CADM1: variants seen among roughly 807,000 people sequenced by gnomAD.
CADM1 encodes the protein TSLC-1.
In CADM1, 15 loss-of-function variants were observed where a neutral mutation model predicts 53.1. That is an observed-to-expected ratio of 0.28 (90% CI 0.19 to 0.44). The LOEUF (loss-of-function observed/expected upper bound fraction) is 0.44. Ranked by LOEUF, CADM1 falls within the 20% of genes least tolerant of loss-of-function variation. CADM1 has a pLI of 1.00. For missense variants in CADM1, 434 were observed against 611.3 expected, an observed-to-expected ratio of 0.71 and a Z score of 3.06; for synonymous variants, 281 against 243.0, an observed-to-expected ratio of 1.16 and a Z score of -1.45.
intron 1 of CADM1, among the ~76,000 whole-genome samples, chr11:115,270,989 AC>A (rs1943281419): frequency 6.6e-6 from 1 of 152,224 alleles, no homozygotes; most frequent in South Asian, 2.1e-4. Flanking sequence ...GTGTTTGTGT[AC>A]AGTGTCAAAG....
intron 1 of CADM1, among the ~76,000 whole-genome samples, chr11:115,494,873 G>T (rs1020702807): frequency 9.2e-5 from 14 of 152,050 alleles, no homozygotes; most frequent in African/African-American, 3.4e-4. Flanking sequence ...AAAGCACTGG[G>T]TTTTACTATC....
intron 1 of CADM1, among the ~76,000 whole-genome samples, chr11:115,257,809 A>T (rs1942841470): frequency 6.6e-6 from 1 of 152,206 alleles, no homozygotes; most frequent in African/African-American, 2.4e-5. Flanking sequence ...TTTTGCATAC[A>T]TCTGCATTCT....
At chr11:115,413,880 T>C (rs1947524102) in intron 1 of CADM1, among the ~76,000 whole-genome samples, 1 of 152,094 alleles carries the variant, frequency 6.6e-6, no homozygotes, top group Non-Finnish European at 1.5e-5. Context: ...CCTGGCTTCA[T>C]GATCCACCCG....
chr11:115,276,209 A>C (rs759296286), intron 1 of CADM1, among the ~76,000 whole-genome samples: 1 of 152,232 alleles, frequency 6.6e-6, no homozygotes, highest in Non-Finnish European at 1.5e-5. Context: ...TTAAATGACT[A>C]TGATTTACAT....
intron 1 of CADM1, among the ~76,000 whole-genome samples, chr11:115,429,573 C>A (rs1947988226): frequency 6.7e-6 from 1 of 149,412 alleles, no homozygotes; most frequent in East Asian, 2.0e-4. Flanking sequence ...GCGCTCCAGC[C>A]TGGGCACAAG....
At chr11:115,308,261 T>C (rs1944441130) in intron 1 of CADM1, among the ~76,000 whole-genome samples, 1 of 149,314 alleles carries the variant, frequency 6.7e-6, no homozygotes, top group African/African-American at 2.5e-5. Context: ...GTTTCCAACA[T>C]CACAACAGAA....
chr11:115,337,516 T>C (rs938195402), intron 1 of CADM1, among the ~76,000 whole-genome samples: 1 of 152,130 alleles, frequency 6.6e-6, no homozygotes, highest in African/African-American at 2.4e-5. Flanking sequence ...CCTTCTATAT[T>C]TCTATTTCTG....
intron 1 of CADM1, among the ~76,000 whole-genome samples, chr11:115,489,274 G>A (rs937914869): frequency 4.6e-5 from 7 of 152,156 alleles, no homozygotes; most frequent in African/African-American, 1.4e-4. Context: ...AGTCAGGCAC[G>A]TTGATAGCTC....
chr11:115,501,999 C>T (rs1949737072), intron 1 of CADM1, among the ~76,000 whole-genome samples: 1 of 152,148 alleles, frequency 6.6e-6, no homozygotes, highest in Non-Finnish European at 1.5e-5. Flanking sequence ...TGAACACAAT[C>T]TGATAACCAG....
chr11:115,388,572 C>T (rs188356706), intron 1 of CADM1, among the ~76,000 whole-genome samples: 314 of 152,206 alleles, frequency 2.1e-3, no homozygotes, highest in Middle Eastern at 0.01. Flanking sequence ...GGTAGAAGGA[C>T]ATTGGGTACC....
intron 1 of CADM1, among the ~76,000 whole-genome samples, chr11:115,439,806 C>T (rs1227063499): frequency 6.6e-6 from 1 of 152,158 alleles, no homozygotes; most frequent in Non-Finnish European, 1.5e-5. Context: ...TGAACAATTG[C>T]TCATTTTTCC....
At chr11:115,252,793 G>A (rs980490595) in intron 1 of CADM1, among the ~76,000 whole-genome samples, 9 of 151,984 alleles carry the variant, frequency 5.9e-5, no homozygotes, top group African/African-American at 1.5e-4. Flanking sequence ...GAGGGAATAC[G>A]GTGTTTCACA....
intron 1 of CADM1, among the ~76,000 whole-genome samples, chr11:115,432,735 T>A (rs555960301): frequency 5.0e-4 from 76 of 152,276 alleles, no homozygotes; most frequent in African/African-American, 1.8e-3. Flanking sequence ...GTATTACACA[T>A]CCACCTACTT....
Position 115,295,541 on chromosome 11 carries a change from T to A in CADM1, c.125-55121A>T, listed in dbSNP as rs1944048203. 8.5e-5 allele frequency among the ~76,000 whole-genome samples: 7 copies of A among 82,468 alleles called. No homozygotes were observed. In the South Asian group the frequency reaches 2.3e-3, roughly 27 times the overall value. 54.1% of individuals were successfully genotyped at this position (82,468 alleles called of 152,430 possible). A position where few individuals can be genotyped will look rare whatever the true frequency, so the allele number is the denominator to read the frequency against. ...ATATATATATATATATATATATATATATATATATAATATATATGTATATGC... is the reference window on the plus strand; with the variant it reads ...ATATATATATATATATATATATATAAATATATATAATATATATGTATATGC... On this transcript the variant is annotated intron_variant, in intron 1 of 11. Transcript: ENST00000331581.
intron 1 of CADM1, among the ~76,000 whole-genome samples, chr11:115,362,324 T>C (rs1320699819): frequency 6.6e-6 from 1 of 152,194 alleles, no homozygotes; most frequent in Non-Finnish European, 1.5e-5. Flanking sequence ...GTTAACCAGA[T>C]TGGCCATTTG....
chr11:115,386,612 T>C, intron 1 of CADM1, among the ~76,000 whole-genome samples: 1 of 145,322 alleles, frequency 6.9e-6, no homozygotes. Context: ...TCTCTTCCGC[T>C]TCTTATAAAG....
chr11:115,317,329 C>T (rs1377375133), intron 1 of CADM1, among the ~76,000 whole-genome samples: 1 of 152,070 alleles, frequency 6.6e-6, no homozygotes, highest in Non-Finnish European at 1.5e-5. Context: ...TAAATAGGGC[C>T]TGTGGGTCTC....
chr11:115,221,345 T>C (rs2134797507), intron 5 of CADM1, among the ~76,000 whole-genome samples: 1 of 152,286 alleles, frequency 6.6e-6, no homozygotes, highest in Admixed American at 6.5e-5. Context: ...TAAAAGACAT[T>C]TAGCAAGACT....
intron 1 of CADM1, among the ~76,000 whole-genome samples, chr11:115,464,756 G>T (rs1055441569): frequency 5.3e-5 from 8 of 152,216 alleles, no homozygotes; most frequent in Non-Finnish European, 1.2e-4. Flanking sequence ...TGACTGAATA[G>T]ATGAGTAGGG....
Sources: gnomAD v4.1 joint callset for allele counts (sites outside exome capture counted in the v4.1 genomes callset) on GRCh38, gnomAD v4.1.1 for gene constraint, MANE v1.5 for transcripts, NCBI Gene and HGNC (gene_info 2026-07-23, HGNC 2026-07-21) for gene names.